GABRB2: variants seen among roughly 807,000 people sequenced by gnomAD.
GABRB2 encodes gamma-aminobutyric acid receptor subunit beta-2.
A neutral mutation model predicts 54.7 loss-of-function variants in GABRB2; 16 were observed. The ratio of observed to expected loss-of-function variants is 0.29; its 90% CI spans 0.20 to 0.44. The LOEUF (loss-of-function observed/expected upper bound fraction) is 0.44, where lower values mean the gene tolerates loss of function less well. Ranked by LOEUF, GABRB2 falls within the 20% of genes least tolerant of loss-of-function variation. The probability of loss-of-function intolerance (pLI) is 1.00; values close to 1 mark genes in which losing one functional copy is unlikely to be tolerated. For synonymous variants in GABRB2, 244 were observed against 233.8 expected (o/e 1.04, Z -0.40); for missense variants, 355 against 644.0 (o/e 0.55, Z 4.86).
chr5:161,438,894 G>A (rs1048866485), intron 4 of GABRB2, among the ~76,000 whole-genome samples: 6 of 152,184 alleles, frequency 3.9e-5, no homozygotes, highest in African/African-American at 1.4e-4. Flanking sequence ...ACTGACATAT[G>A]CCTACAGGAT....
At chr5:161,445,066 T>C (rs574759482) in intron 4 of GABRB2, among the ~76,000 whole-genome samples, 12 of 152,250 alleles carry the variant, frequency 7.9e-5, no homozygotes, top group African/African-American at 2.9e-4. Context: ...GTACATATAT[T>C]CATTCAGCAA....
In GABRB2 at chr5:161,411,082, G is replaced by A. The variant is rs576487176; in HGVS notation, c.459-25C>T. The A allele has an allele frequency of 2.3e-5, 36 of 1,568,424 alleles. 1 individual carries two copies. In the African/African-American group the frequency reaches 2.8e-4, roughly 12 times the overall value. On this transcript the variant is annotated intron_variant, in intron 4 of 9. Coordinates refer to ENST00000393959, the MANE Select transcript of GABRB2 (RefSeq NM_001371727.1). ...TCTAGAAGACAAATAGCAATGATGAGTGTTGTTAGCAGGTCTAAGGCTGGA... is the reference window on the plus strand; with the variant it reads ...TCTAGAAGACAAATAGCAATGATGAATGTTGTTAGCAGGTCTAAGGCTGGA...
intron 3 of GABRB2, among the ~76,000 whole-genome samples, chr5:161,532,550 C>G (rs565563333): frequency 1.3e-4 from 20 of 152,130 alleles, no homozygotes; most frequent in Non-Finnish European, 2.5e-4. Context: ...GTTTGAGAAT[C>G]ACTGTAAAAA....
chr5:161,406,996 C>A (rs1414575342), intron 5 of GABRB2, among the ~76,000 whole-genome samples: 1 of 151,996 alleles, frequency 6.6e-6, no homozygotes, highest in Non-Finnish European at 1.5e-5. Context: ...CTGACTCTGG[C>A]CAGTCCAACT....
chr5:161,451,481 T>C (rs1366358222), intron 4 of GABRB2, among the ~76,000 whole-genome samples: 3 of 152,180 alleles, frequency 2.0e-5, no homozygotes, highest in Non-Finnish European at 2.9e-5. Context: ...TTTCTTCAAC[T>C]AATGAGACTA....
At chr5:161,478,168 A>C (rs139628965) in intron 3 of GABRB2, among the ~76,000 whole-genome samples, 55 of 152,144 alleles carry the variant, frequency 3.6e-4, no homozygotes, top group African/African-American at 1.3e-3. Flanking sequence ...GTTGCTACAG[A>C]GTGCAGAGAG....
intron 5 of GABRB2, among the ~76,000 whole-genome samples, chr5:161,386,446 G>T (rs188423899): frequency 2.6e-4 from 40 of 152,230 alleles, no homozygotes; most frequent in Admixed American, 2.3e-3. Context: ...ATTCCAGGAA[G>T]CTGAGTGATA....
rs143321915 is a variant in GABRB2, at chr5:161,501,774, A to C, written c.238-41930T>G. Among the ~76,000 whole-genome samples the C allele has an allele frequency of 5.7e-3, 867 of 151,810 alleles. 8 individuals carry two copies. Among genetic ancestry groups the C allele is most frequent in the African/African-American group, 0.02 (810 of 41,480 alleles). ...GATAAGTTAAATAACCTAAAATATA[A>C]ATTAAATAACCTAAATATAAGTTAA... On this transcript the variant is annotated intron_variant, in intron 3 of 9. Transcript: ENST00000393959.
At position 161,340,771 on chromosome 5, in the gene GABRB2, A is replaced by G. The variant is rs560814445; in HGVS notation, c.542-4002T>C. On this transcript the variant is annotated intron_variant, in intron 5 of 9. Transcript: ENST00000393959. ...ATAAGAATTATTAAAAATAAATGTAAAACATATTTTATGTCCCATTTTGTG... is the reference window on the plus strand; with the variant it reads ...ATAAGAATTATTAAAAATAAATGTAGAACATATTTTATGTCCCATTTTGTG... Among the ~76,000 whole-genome samples the G allele has an allele frequency of 2.0e-5, 3 of 152,192 alleles. No individual in the cohort carries two copies. The South Asian group carries it at 6.2e-4, about 32-fold the overall frequency.
intron 9 of GABRB2, among the ~76,000 whole-genome samples, chr5:161,321,829 T>C (rs1029182731): frequency 2.6e-5 from 4 of 152,174 alleles, no homozygotes; most frequent in Non-Finnish European, 5.9e-5. Context: ...AAATATGTTG[T>C]ATAATTTTTA....
intron 3 of GABRB2, among the ~76,000 whole-genome samples, chr5:161,518,694 T>C (rs1760025635): frequency 2.0e-5 from 3 of 152,184 alleles, no homozygotes; most frequent in Admixed American, 2.0e-4. Context: ...AATACTCACA[T>C]CATGGAGATA....
intron 3 of GABRB2, among the ~76,000 whole-genome samples, chr5:161,488,742 A>G (rs1010054069): frequency 2.6e-5 from 4 of 151,738 alleles, no homozygotes; most frequent in Non-Finnish European, 5.9e-5. Context: ...CTAAAGCAAA[A>G]TATGTTTATC....
At chr5:161,336,898 C>T (rs1257015318) in intron 5 of GABRB2, 129 bp from the exon 6 acceptor site, 15 of 964,880 alleles carry the variant, frequency 1.6e-5, no homozygotes, top group Non-Finnish European at 2.1e-5. Context: ...TAGCTAAAGG[C>T]TGTTATGTGT....
chr5:161,546,656 TG>T lies in GABRB2; in HGVS notation c.-14del. 6.3e-7 allele frequency: 1 copy of T among 1,581,284 alleles called. No homozygotes were observed. Among genetic ancestry groups the T allele is most frequent in the Non-Finnish European group, 8.6e-7 (1 of 1,162,052 alleles). On this transcript the variant is annotated 5_prime_UTR_variant, in exon 1 of 10. Transcript: ENST00000393959. The stretch of plus-strand genomic sequence containing the variant: ...GCACTCTCCACATCCCTTTAGTTTT[TG>T]ATGGAATTGAGGGTTTCACTGAAGA...
At chr5:161,333,349 C>T (rs1223456202) in intron 7 of GABRB2, among the ~76,000 whole-genome samples, 1 of 152,176 alleles carries the variant, frequency 6.6e-6, no homozygotes, top group East Asian at 1.9e-4. Flanking sequence ...GGACATCACA[C>T]CACTAAGAAA....
intron 5 of GABRB2, among the ~76,000 whole-genome samples, chr5:161,337,844 C>T (rs1479289309): frequency 6.6e-6 from 1 of 152,080 alleles, no homozygotes. Context: ...AGAGATATCA[C>T]ATTTATCTTT....
At chr5:161,430,179 G>A (rs183882041) in intron 4 of GABRB2, among the ~76,000 whole-genome samples, 7 of 151,950 alleles carry the variant, frequency 4.6e-5, no homozygotes, top group African/African-American at 1.7e-4. Context: ...GTTAGCAATG[G>A]CAACTCTACC....
At chr5:161,349,606 G>T (rs183821625) in intron 5 of GABRB2, among the ~76,000 whole-genome samples, 1 of 152,076 alleles carries the variant, frequency 6.6e-6, no homozygotes, top group African/African-American at 2.4e-5. Flanking sequence ...AAGACTGAAG[G>T]TTCTGTCCAG....
At chr5:161,309,494 A>G (rs1254477431) in intron 9 of GABRB2, among the ~76,000 whole-genome samples, 2 of 152,174 alleles carry the variant, frequency 1.3e-5, no homozygotes, top group African/African-American at 4.8e-5. Context: ...TGACCCAGCA[A>G]TCCTATTACT....
Sources: allele counts gnomAD v4.1 joint callset (sites outside exome capture counted in the v4.1 genomes callset), GRCh38; gene constraint gnomAD v4.1.1; transcripts MANE v1.5; gene names NCBI Gene and HGNC (gene_info 2026-07-23, HGNC 2026-07-21).